The following NRDE2 variants were observed in gnomAD, a reference collection of about 807,000 sequenced individuals.
NRDE2 encodes nuclear exosome regulator NRDE2.
NRDE2 carries 76 observed loss-of-function variants against 124.2 expected under a neutral mutation model. The observed-to-expected ratio is 0.61, with a 90% CI of 0.51 to 0.74. NRDE2 has a LOEUF of 0.74. NRDE2 is among the 30% of genes least tolerant of loss of function. The probability of loss-of-function intolerance (pLI) is 0.00; values close to 1 mark genes in which losing one functional copy is unlikely to be tolerated. For missense variants in NRDE2, 1,314 were observed against 1,417.3 expected, an observed-to-expected ratio of 0.93 and a Z score of 1.17; for synonymous variants, 489 against 528.1, an observed-to-expected ratio of 0.93 and a Z score of 1.01.
chr14:90,318,590 G>A (rs1160713670), intron 1 of NRDE2, among the ~76,000 whole-genome samples: 2 of 152,032 alleles, frequency 1.3e-5, no homozygotes, highest in East Asian at 1.9e-4. Flanking sequence ...ACCTGAGGTC[G>A]GGAGTTTGAC....
chr14:90,270,706 G>A lies in NRDE2; in HGVS notation c.*7630C>T. On this transcript the variant is annotated 3_prime_UTR_variant, in exon 14 of 14. Coordinates refer to ENST00000354366, the MANE Select transcript of NRDE2 (RefSeq NM_017970.4). Reference sequence around the variant, plus strand: ...AACTCTCCCCAGAGCCGCAGAGTGGGGACCAAGCACCCGCTGCATTCATCT... The same window carrying A: ...AACTCTCCCCAGAGCCGCAGAGTGGAGACCAAGCACCCGCTGCATTCATCT... The A allele has an allele frequency of 5.5e-6, 1 of 181,198 alleles. No homozygotes were observed. Among genetic ancestry groups the A allele is most frequent in the Middle Eastern group, 2.3e-3 (1 of 432 alleles). 11.2% of individuals were successfully genotyped at this position (181,198 alleles called of 1,614,324 possible).
chr14:90,269,603 T>G lies in NRDE2; in HGVS notation c.*8733A>C. 6.4e-7 allele frequency: 1 copy of G among 1,569,840 alleles called. No homozygotes were observed. Among genetic ancestry groups the G allele is most frequent in the Middle Eastern group, 1.7e-4 (1 of 5,918 alleles). On this transcript the variant is annotated 3_prime_UTR_variant, in exon 14 of 14. Transcript: ENST00000354366. Reference sequence around the variant, plus strand: ...ATTAATGTGTTTATATATTTGTGTTTAAGTGTGCTTTGGGAGGCCTATAAA... The same window carrying G: ...ATTAATGTGTTTATATATTTGTGTTGAAGTGTGCTTTGGGAGGCCTATAAA...
rs1450437659 is a variant in NRDE2, at chr14:90,290,246, G to C, written c.2204C>G (p.Ser735Cys). 1.2e-6 allele frequency: 2 copies of C among 1,613,910 alleles called. No individual in the cohort carries two copies. The highest frequency in any genetic ancestry group is 2.2e-5 in the East Asian group (1 of 44,896). Residue 735 changes from serine to cysteine, a missense_variant, in exon 10 of 14, where the codon TCC (serine) becomes TGC (cysteine). Transcript: ENST00000354366. ...SGKEKSQLCFSWLQYEIAKVI... is the reference protein window; with the variant it reads ...SGKEKSQLCFCWLQYEIAKVI... ...CTTTGCAATCTCATACTGTAACCAG[G>C]AGAAGCAGAGCTGGGACTTCTCTTT...
At chr14:90,286,825 G>A (rs1001402515) in intron 11 of NRDE2, among the ~76,000 whole-genome samples, 1 of 152,116 alleles carries the variant, frequency 6.6e-6, no homozygotes, top group Non-Finnish European at 1.5e-5. Context: ...AAGGTGGGTA[G>A]ATCACAAGGT....
chr14:90,311,752 A>G (rs1289445307), intron 4 of NRDE2, among the ~76,000 whole-genome samples: 1 of 152,078 alleles, frequency 6.6e-6, no homozygotes, highest in South Asian at 2.1e-4. Flanking sequence ...ATACACTAAT[A>G]CTAATGATAG....
At chr14:90,324,990 A>G (rs1427437905) in intron 1 of NRDE2, among the ~76,000 whole-genome samples, 1 of 152,112 alleles carries the variant, frequency 6.6e-6, no homozygotes, top group Non-Finnish European at 1.5e-5. Flanking sequence ...AGGCTGTTGT[A>G]GTAATCTAGG....
chr14:90,271,111 C>G lies in NRDE2; in HGVS notation c.*7225G>C, dbSNP rs944460587. On this transcript the variant is annotated 3_prime_UTR_variant, in exon 14 of 14. Coordinates refer to ENST00000354366, the MANE Select transcript of NRDE2 (RefSeq NM_017970.4). Reference sequence around the variant, plus strand: ...AATTTTCAAGCCTTCAAAAAAGTTGCAACAATAGCACAGTGATTTGCCAAG... The same window carrying G: ...AATTTTCAAGCCTTCAAAAAAGTTGGAACAATAGCACAGTGATTTGCCAAG... 3.3e-5 allele frequency: 5 copies of G among 152,178 alleles called. No individual in the cohort carries two copies. The highest frequency in any genetic ancestry group is 1.2e-4 in the African/African-American group (5 of 41,444). 9.4% of individuals were successfully genotyped at this position (152,178 alleles called of 1,614,324 possible).
rs1891882882 is a variant in NRDE2, at chr14:90,279,100, C to T, written c.3331G>A (p.Val1111Ile). The part of the protein sequence containing the change: ...SLGNKERSKG[V>I]FYKALQNCPW... ...CAATTCTGAAGTGCTTTGTAGAATACACCTTTGCTTCTTTCTTTATTTCCT... is the reference window on the plus strand; with the variant it reads ...CAATTCTGAAGTGCTTTGTAGAATATACCTTTGCTTCTTTCTTTATTTCCT... Residue 1111 changes from valine (V) to isoleucine (I), a missense_variant, in exon 13 of 14, where the codon GTA becomes ATA. Physicochemically the swap from Val to Ile is conservative, Grantham distance 29. Transcript: ENST00000354366. 1.2e-6 allele frequency: 2 copies of T among 1,612,716 alleles called. No individual in the cohort carries two copies. The highest frequency in any genetic ancestry group is 2.2e-5 in the East Asian group (1 of 44,886).
intron 8 of NRDE2, 74 bp from the exon 9 acceptor site, chr14:90,292,946 C>T: frequency 6.9e-7 from 1 of 1,449,042 alleles, no homozygotes; most frequent in Non-Finnish European, 9.5e-7. Flanking sequence ...CCTGCTATGT[C>T]AGGGACTGTT....
At chr14:90,312,601 G>A (rs969919716) in intron 3 of NRDE2, 58 bp from the exon 4 acceptor site, 116 of 1,576,018 alleles carry the variant, frequency 7.4e-5, no homozygotes, top group Non-Finnish European at 9.7e-5. Flanking sequence ...TTCCAGTGAC[G>A]CAGGTGGCAT....
chr14:90,317,741 G>A (rs1004356040), intron 2 of NRDE2: 6 of 329,856 alleles, frequency 1.8e-5, no homozygotes, highest in Non-Finnish European at 3.3e-5. Context: ...AATGAGGCTA[G>A]TAAAGTTACT....
At position 90,272,288 on chromosome 14, in the gene NRDE2, G is replaced by A. The variant is rs1891691419; in HGVS notation, c.*6048C>T. ...TTTCTTACAGGCAATCTGTACAGAAGCTGGTCTGATGGCCTTAAGAGAACG... is the reference window on the plus strand; with the variant it reads ...TTTCTTACAGGCAATCTGTACAGAAACTGGTCTGATGGCCTTAAGAGAACG... On this transcript the variant is annotated 3_prime_UTR_variant, in exon 14 of 14. Transcript: ENST00000354366. This position sits in a 1 kb window ranked among gnomAD's most constrained non-coding sequence, Gnocchi z 4.5. 6.2e-7 allele frequency: 1 copy of A among 1,604,170 alleles called. No individual in the cohort carries two copies. The highest frequency in any genetic ancestry group is 8.5e-7 in the Non-Finnish European group (1 of 1,178,218).
At chr14:90,330,798 A>G (rs187490470) in intron 1 of NRDE2, among the ~76,000 whole-genome samples, 114 of 93,246 alleles carry the variant, frequency 1.2e-3, no homozygotes, top group Admixed American at 3.3e-3. Context: ...ACAGAGTGAG[A>G]CCCTGTCTCA....
In NRDE2 at chr14:90,269,321, T is replaced by G; in HGVS notation, c.*9015A>C. On this transcript the variant is annotated 3_prime_UTR_variant, in exon 14 of 14. Coordinates refer to ENST00000354366, the MANE Select transcript of NRDE2 (RefSeq NM_017970.4). ...TGTTTGTTAAGGTGTTTTGTCACAA[T>G]GAGGTCTTTGCTGTAATTCCCCTTG... 4.6e-6 allele frequency: 6 copies of G among 1,293,556 alleles called. No individual in the cohort carries two copies. Among genetic ancestry groups the G allele is most frequent in the Non-Finnish European group, 6.4e-6 (6 of 937,208 alleles). The allele number at this position is 1,293,556 out of a possible 1,614,324, so 80.1% of individuals were successfully genotyped here.
chr14:90,312,728 T>C (rs567809265), intron 3 of NRDE2, among the ~76,000 whole-genome samples, 185 bp from the exon 4 acceptor site: 1 of 151,388 alleles, frequency 6.6e-6, no homozygotes, highest in East Asian at 1.9e-4. Context: ...GGGCAAAGAG[T>C]TTTAAAAAAT....
At chr14:90,304,473 G>A in intron 4 of NRDE2, 91 bp from the exon 5 acceptor site, 1 of 934,708 alleles carries the variant, frequency 1.1e-6, no homozygotes, top group Non-Finnish European at 1.6e-6. Flanking sequence ...CTCTCGTTAT[G>A]CAGGTTCACT....
chr14:90,293,594 G>A (rs938349815), intron 8 of NRDE2, among the ~76,000 whole-genome samples: 48 of 152,224 alleles, frequency 3.2e-4, no homozygotes, highest in African/African-American at 1.2e-3. Context: ...CATGTGGCTA[G>A]AGGTTACTGT....
chr14:90,320,535 A>G (rs752987955), intron 1 of NRDE2, among the ~76,000 whole-genome samples: 8 of 152,232 alleles, frequency 5.3e-5, no homozygotes, highest in Non-Finnish European at 1.0e-4. Flanking sequence ...GAGCCAAACC[A>G]TATCAGTATT....
At chr14:90,295,495 G>A (rs898629548) in intron 8 of NRDE2, among the ~76,000 whole-genome samples, 7 of 152,042 alleles carry the variant, frequency 4.6e-5, no homozygotes, top group African/African-American at 1.7e-4. Context: ...TAATCACCCT[G>A]AAAAACTCTT....
Sources: allele counts gnomAD v4.1 joint callset (sites outside exome capture counted in the v4.1 genomes callset), GRCh38; gene constraint gnomAD v4.1.1; non-coding constraint Gnocchi (gnomAD v3.1); transcripts MANE v1.5; gene names NCBI Gene and HGNC (gene_info 2026-07-23, HGNC 2026-07-21).